The following PPARGC1A variants were observed in gnomAD, a reference collection of about 807,000 sequenced individuals.
PPARGC1A encodes the protein PPARG coactivator 1 alpha.
PPARGC1A carries 25 observed loss-of-function variants against 88.7 expected under a neutral mutation model. That is an observed-to-expected ratio of 0.28 (90% CI 0.21 to 0.39). The LOEUF is 0.39. Ranked by LOEUF, PPARGC1A falls within the 10% of genes least tolerant of loss-of-function variation. The pLI, the probability that PPARGC1A is intolerant of heterozygous loss-of-function variation, is 1.00. For synonymous variants in PPARGC1A, 363 were observed against 355.6 expected (o/e 1.02, Z -0.24); for missense variants, 880 against 968.7 (o/e 0.91, Z 1.22).
chr4:24,029,202 C>T, the PPARGC1A span, among the ~76,000 whole-genome samples: 1 of 152,174 alleles, frequency 6.6e-6, no homozygotes, highest in East Asian at 1.9e-4. Flanking sequence ...TCTCTCAGAG[C>T]TCTGGTTCAT....
chr4:24,065,341 C>T, the PPARGC1A span, among the ~76,000 whole-genome samples: 2 of 152,112 alleles, frequency 1.3e-5, no homozygotes, highest in Admixed American at 1.3e-4. Context: ...TCCTGTCCTT[C>T]ACTCAAGCTT....
At chr4:24,257,443 A>C in the PPARGC1A span, among the ~76,000 whole-genome samples, 1 of 152,232 alleles carries the variant, frequency 6.6e-6, no homozygotes, top group African/African-American at 2.4e-5. Flanking sequence ...TAGCTGGCCA[A>C]TCTATGGTAG....
intron 1 of PPARGC1A, among the ~76,000 whole-genome samples, chr4:23,897,552 A>G (rs566103406): frequency 6.6e-6 from 1 of 152,330 alleles, no homozygotes; most frequent in African/African-American, 2.4e-5. Context: ...AGAGACAGAC[A>G]ACTCAGGAAG....
the PPARGC1A span, among the ~76,000 whole-genome samples, chr4:24,387,890 G>GAA: frequency 4.2e-3 from 458 of 109,236 alleles, 36 homozygotes; most frequent in African/African-American, 0.015. Context: ...AAGAAAGAAA[G>GAA]AAAGAAAAAG....
chr4:23,922,215 C>T, the PPARGC1A span, among the ~76,000 whole-genome samples: 1 of 152,136 alleles, frequency 6.6e-6, no homozygotes, highest in Non-Finnish European at 1.5e-5. Context: ...GTGCTTGGCA[C>T]TCAAAGAGAA....
chr4:23,886,856 TAA>T (rs11332760), intron 1 of PPARGC1A, among the ~76,000 whole-genome samples: 30,155 of 136,168 alleles, frequency 0.22, 3,803 homozygotes, highest in Non-Finnish European at 0.3. Context: ...GCATAGTCTT[TAA>T]AAAAAAAAAA....
the PPARGC1A span, among the ~76,000 whole-genome samples, chr4:23,913,285 G>T: frequency 2.3e-4 from 32 of 139,026 alleles, no homozygotes; most frequent in South Asian, 9.4e-4. Context: ...GAGAGAGAGA[G>T]AGAGAGAGAG....
At chr4:24,058,381 A>G in the PPARGC1A span, among the ~76,000 whole-genome samples, 2 of 152,194 alleles carry the variant, frequency 1.3e-5, no homozygotes, top group African/African-American at 2.4e-5. Context: ...TGAGAAATCA[A>G]TTGTAATTTG....
intron 2 of PPARGC1A, among the ~76,000 whole-genome samples, chr4:23,877,215 A>T (rs55743129): frequency 0.4 from 60,666 of 151,844 alleles, 14,441 homozygotes; most frequent in Non-Finnish European, 0.55. Flanking sequence ...CTGAGCGCAC[A>T]GTCTTAAAAG....
chr4:24,280,274 C>A, the PPARGC1A span, among the ~76,000 whole-genome samples: 1 of 152,208 alleles, frequency 6.6e-6, no homozygotes, highest in African/African-American at 2.4e-5. Flanking sequence ...TCTCTGTGTA[C>A]CTGCTGAAGT....
the PPARGC1A span, among the ~76,000 whole-genome samples, chr4:24,227,403 C>T: frequency 2.0e-5 from 3 of 152,166 alleles, no homozygotes; most frequent in South Asian, 6.2e-4. Flanking sequence ...GGGCAAATGA[C>T]TTCCATTCTC....
At chr4:23,943,924 G>C in the PPARGC1A span, among the ~76,000 whole-genome samples, 1 of 152,020 alleles carries the variant, frequency 6.6e-6, no homozygotes, top group African/African-American at 2.4e-5. Flanking sequence ...CCTGACTAGT[G>C]CTCCTCAAAA....
chr4:23,995,154 A>C, the PPARGC1A span, among the ~76,000 whole-genome samples: 1 of 152,172 alleles, frequency 6.6e-6, no homozygotes. Context: ...AGACTAATAG[A>C]GTGCCCAAAC....
At chr4:23,962,855 T>TA in the PPARGC1A span, among the ~76,000 whole-genome samples, 4 of 152,248 alleles carry the variant, frequency 2.6e-5, no homozygotes, top group East Asian at 3.9e-4. Flanking sequence ...GAAGCACCAC[T>TA]AAAAGAAGGG....
At chr4:24,372,114 C>T in the PPARGC1A span, among the ~76,000 whole-genome samples, 1 of 152,200 alleles carries the variant, frequency 6.6e-6, no homozygotes, top group Non-Finnish European at 1.5e-5. Flanking sequence ...CAAGCTCCAG[C>T]TCATTCCATT....
chr4:24,334,023 T>C, the PPARGC1A span, among the ~76,000 whole-genome samples: 1 of 144,818 alleles, frequency 6.9e-6, no homozygotes, highest in Admixed American at 7.0e-5. Context: ...AAATTCAGGG[T>C]GGCATCAGAA....
At chr4:23,943,795 CATG>C in the PPARGC1A span, among the ~76,000 whole-genome samples, 1 of 152,184 alleles carries the variant, frequency 6.6e-6, no homozygotes. Flanking sequence ...GTCTTCTTGA[CATG>C]ATATGTTGAG....
chr4:24,315,777 G>C, the PPARGC1A span, among the ~76,000 whole-genome samples: 1 of 152,152 alleles, frequency 6.6e-6, no homozygotes. Context: ...GAGTCATCTG[G>C]TCCCAAATGT....
At chr4:24,450,750 C>A in the PPARGC1A span, among the ~76,000 whole-genome samples, 1 of 152,118 alleles carries the variant, frequency 6.6e-6, no homozygotes, top group African/African-American at 2.4e-5. Flanking sequence ...TGCCTACAGA[C>A]ATCTTTGAAA....
Sources: allele counts gnomAD v4.1 joint callset (sites outside exome capture counted in the v4.1 genomes callset), GRCh38; gene constraint gnomAD v4.1.1; transcripts MANE v1.5; gene names NCBI Gene and HGNC (gene_info 2026-07-23, HGNC 2026-07-21).